Variants in EDA observed in about 807,000 individuals in gnomAD.
EDA encodes the protein ectodysplasin-A.
EDA carries 2 observed loss-of-function variants against 23.6 expected under a neutral mutation model. The ratio of observed to expected loss-of-function variants is 0.08; its 90% CI spans 0.03 to 0.27. The LOEUF (loss-of-function observed/expected upper bound fraction) is 0.27, where lower values mean the gene tolerates loss of function less well. EDA is among the 10% of genes least tolerant of loss of function. The probability of loss-of-function intolerance (pLI) is 1.00; values close to 1 mark genes in which losing one functional copy is unlikely to be tolerated. For synonymous variants in EDA, 131 were observed against 132.0 expected (o/e 0.99, Z 0.05); for missense variants, 229 against 324.2 (o/e 0.71, Z 2.26).
chrX:69,631,936 G>A (rs1454499578), intron 1 of EDA, among the ~76,000 whole-genome samples: 1 of 111,534 alleles, frequency 9.0e-6, no homozygotes, highest in African/African-American at 3.3e-5. Flanking sequence ...GGTGAGTTTG[G>A]ATAAAGGCTT....
intron 1 of EDA, among the ~76,000 whole-genome samples, chrX:69,676,841 A>G (rs993005373): frequency 1.8e-5 from 2 of 110,089 alleles, no homozygotes; most frequent in African/African-American, 6.6e-5. Flanking sequence ...TTTTTTTATT[A>G]TTACACTTTA....
intron 1 of EDA, among the ~76,000 whole-genome samples, chrX:69,929,756 T>G (rs2018573745): frequency 2.2e-5 from 2 of 92,220 alleles, no homozygotes; most frequent in Admixed American, 1.3e-4. Flanking sequence ...GTGTGTGTGA[T>G]GTATAATGCA....
intron 2 of EDA, among the ~76,000 whole-genome samples, chrX:69,983,990 G>A (rs2019457235): frequency 1.0e-5 from 1 of 100,447 alleles, no homozygotes; most frequent in Admixed American, 1.1e-4. Flanking sequence ...TCCACTACAT[G>A]GAAACTGAAC....
intron 1 of EDA, among the ~76,000 whole-genome samples, chrX:69,949,943 G>T (rs2018889766): frequency 9.2e-6 from 1 of 108,598 alleles, no homozygotes; most frequent in Non-Finnish European, 1.9e-5. Context: ...ATCAATTCAA[G>T]ATGGATTAAA....
chrX:69,745,281 A>G (rs1315248497), intron 1 of EDA, among the ~76,000 whole-genome samples: 2 of 111,982 alleles, frequency 1.8e-5, no homozygotes, highest in Non-Finnish European at 3.8e-5. Flanking sequence ...GATGAAACCT[A>G]AAGAATAGTT....
chrX:69,867,567 C>T (rs943425608), intron 1 of EDA, among the ~76,000 whole-genome samples: 6 of 112,355 alleles, frequency 5.3e-5, no homozygotes, highest in Admixed American at 1.9e-4. Context: ...TAGCATTGCT[C>T]GAAGTTCTAC....
chrX:69,679,083 G>C (rs1380479877), intron 1 of EDA, among the ~76,000 whole-genome samples: 1 of 106,677 alleles, frequency 9.4e-6, no homozygotes, highest in Non-Finnish European at 1.9e-5. Context: ...AAATAATCAT[G>C]TGGTTTTTGT....
At chrX:69,776,961 T>A (rs757922885) in intron 1 of EDA, among the ~76,000 whole-genome samples, 3 of 111,724 alleles carry the variant, frequency 2.7e-5, no homozygotes, top group African/African-American at 9.7e-5. Flanking sequence ...GAGAATACAG[T>A]TTTAAAACTA....
rs1569317439 is a variant in EDA, at chrX:69,749,922, C to CTTTTTTT, written c.396+133239_396+133245dup. On this transcript the variant is annotated intron_variant, in intron 1 of 7. Transcript: ENST00000374552. Reference sequence around the variant, plus strand: ...TTAGAAACTTCCTCTCACTAAGGTTCTTTTTTTTTTTTTTTTTTTTTTTTT... The same window carrying CTTTTTTT: ...TTAGAAACTTCCTCTCACTAAGGTTCTTTTTTTTTTTTTTTTTTTTTTTTTTTTTTTT... Among the ~76,000 whole-genome samples the CTTTTTTT allele has an allele frequency of 3.4e-3, 112 of 33,259 alleles. 23 individuals are homozygous for CTTTTTTT. The highest frequency in any genetic ancestry group is 7.4e-3 in the African/African-American group (90 of 12,212). 28.9% of individuals were successfully genotyped at this position (33,259 alleles called of 115,157 possible).
intron 2 of EDA, among the ~76,000 whole-genome samples, chrX:70,016,412 T>TA (rs200203818): frequency 0.17 from 18,110 of 108,062 alleles, 1,603 homozygotes; most frequent in Middle Eastern, 0.33. Context: ...CTCTACCAAT[T>TA]AAAAAAAAAC....
intron 1 of EDA, among the ~76,000 whole-genome samples, chrX:69,923,727 G>C (rs933994535): frequency 9.0e-6 from 1 of 111,528 alleles, no homozygotes; most frequent in Non-Finnish European, 1.9e-5. Flanking sequence ...TTTGGTTCTA[G>C]ATCCTTGAGG....
At chrX:69,850,121 T>A (rs1315948522) in intron 1 of EDA, among the ~76,000 whole-genome samples, 1 of 112,326 alleles carries the variant, frequency 8.9e-6, no homozygotes, top group Non-Finnish European at 1.9e-5. Flanking sequence ...ATCTTTATAA[T>A]CAATATTAAT....
intron 1 of EDA, among the ~76,000 whole-genome samples, chrX:69,770,021 C>A (rs922625679): frequency 9.0e-6 from 1 of 111,645 alleles, no homozygotes; most frequent in African/African-American, 3.3e-5. Flanking sequence ...GTATGTATGT[C>A]CTTTTGAGAT....
At chrX:69,647,600 A>G (rs1274439955) in intron 1 of EDA, among the ~76,000 whole-genome samples, 1 of 111,398 alleles carries the variant, frequency 9.0e-6, no homozygotes. Flanking sequence ...TTGTTTTATC[A>G]TGATTCTTCG....
chrX:69,836,660 A>G lies in EDA; in HGVS notation c.397-120367A>G, dbSNP rs748024520. On this transcript the variant is annotated intron_variant, in intron 1 of 7. Transcript: ENST00000374552. Reference sequence around the variant, plus strand: ...TGTCACAGCTTCCCGTGGCTAGGAAAGGGAAATCCCCCAACTCTTTGCACT... The same window carrying G: ...TGTCACAGCTTCCCGTGGCTAGGAAGGGGAAATCCCCCAACTCTTTGCACT... 2.7e-5 allele frequency among the ~76,000 whole-genome samples: 3 copies of G among 112,459 alleles called. No homozygotes were observed. In the South Asian group the frequency reaches 1.1e-3, roughly 42 times the overall value.
intron 1 of EDA, among the ~76,000 whole-genome samples, chrX:69,800,322 G>A (rs2015653142): frequency 1.8e-5 from 2 of 111,200 alleles, no homozygotes; most frequent in African/African-American, 6.5e-5. Context: ...ATGTTCAGTA[G>A]CAGAGTAGGG....
At chrX:69,880,092 G>C (rs1344377980) in intron 1 of EDA, among the ~76,000 whole-genome samples, 1 of 111,419 alleles carries the variant, frequency 9.0e-6, no homozygotes, top group African/African-American at 3.3e-5. Context: ...TGTTCTGAGG[G>C]GGATGGGACC....
intron 1 of EDA, among the ~76,000 whole-genome samples, chrX:69,831,928 T>G (rs1414305182): frequency 1.8e-5 from 2 of 111,913 alleles, no homozygotes; most frequent in Non-Finnish European, 3.8e-5. Flanking sequence ...TTGTAGATTC[T>G]GGATATTAGC....
At chrX:70,035,065 G>A (rs2020246885) in intron 7 of EDA, among the ~76,000 whole-genome samples, 1 of 111,767 alleles carries the variant, frequency 8.9e-6, no homozygotes, top group South Asian at 3.8e-4. Flanking sequence ...GGGGAACAGG[G>A]GCACGGTGAA....
Sources: gnomAD v4.1 joint callset for allele counts (sites outside exome capture counted in the v4.1 genomes callset) on GRCh38, gnomAD v4.1.1 for gene constraint, MANE v1.5 for transcripts, NCBI Gene and HGNC (gene_info 2026-07-23, HGNC 2026-07-21) for gene names.